The following BRINP1 variants were observed in gnomAD, a reference collection of about 807,000 sequenced individuals.
BRINP1 encodes the protein BMP/retinoic acid-inducible neural-specific protein 1.
BRINP1 carries 17 observed loss-of-function variants against 72.9 expected under a neutral mutation model. That is an observed-to-expected ratio of 0.23 (90% confidence interval 0.16 to 0.35). The LOEUF (loss-of-function observed/expected upper bound fraction) is 0.35. Ranked by LOEUF, BRINP1 falls within the 10% of genes least tolerant of loss-of-function variation. BRINP1 has a pLI of 1.00. For missense variants in BRINP1, 850 were observed against 1,001.6 expected (o/e 0.85, Z 2.04); for synonymous variants, 418 against 378.5 (o/e 1.10, Z -1.21).
At chr9:119,287,360 T>C (rs1189852151) in intron 2 of BRINP1, among the ~76,000 whole-genome samples, 1 of 152,216 alleles carries the variant, frequency 6.6e-6, no homozygotes, top group Non-Finnish European at 1.5e-5. Flanking sequence ...GTAGACAGTT[T>C]TAAGTTTGAA....
At chr9:119,289,154 A>T (rs964632084) in intron 2 of BRINP1, among the ~76,000 whole-genome samples, 1 of 152,244 alleles carries the variant, frequency 6.6e-6, no homozygotes, top group East Asian at 1.9e-4. Flanking sequence ...CAGAGCACGG[A>T]GATCAAGGAG....
In BRINP1 at chr9:119,167,815, G is replaced by A. The variant is rs1245745301; in HGVS notation, c.1555C>T (p.Arg519Trp). Residue 519 changes from arginine to tryptophan, a missense_variant, in exon 8 of 8, where the codon CGG (arginine) becomes TGG (tryptophan). Physicochemically the swap from Arg to Trp is moderately radical, Grantham distance 101 (BLOSUM62 -3). Transcript: ENST00000265922. The surrounding 1 kb of genome is among the most constrained non-coding windows in gnomAD (Gnocchi z 4.3). Reference protein sequence around the residue: ...EIRLDTFFDPRWRKRMSLTLK... With the variant: ...EIRLDTFFDPWWRKRMSLTLK... ...GTGAGGGACATGCGCTTGCGCCACC[G>A]AGGGTCAAAGAAGGTGTCGAGGCGG... is the stretch of plus-strand genomic sequence containing the variant. 11 of 1,614,090 alleles carry A rather than the reference G, an allele frequency of 6.8e-6. No individual in the cohort carries two copies. The highest frequency in any genetic ancestry group is 1.1e-5 in the South Asian group (1 of 91,074).
At chr9:119,296,037 T>C (rs1027482785) in intron 2 of BRINP1, among the ~76,000 whole-genome samples, 1 of 152,078 alleles carries the variant, frequency 6.6e-6, no homozygotes, top group East Asian at 1.9e-4. Context: ...AATAGACAAG[T>C]GGGATTCCAT....
intron 7 of BRINP1, among the ~76,000 whole-genome samples, chr9:119,183,463 T>C (rs1411217051): frequency 6.6e-6 from 1 of 151,988 alleles, no homozygotes; most frequent in East Asian, 1.9e-4. Flanking sequence ...ATAATTCCCT[T>C]GGGGAGAAGG....
At chr9:119,299,342 G>A (rs530755898) in intron 2 of BRINP1, among the ~76,000 whole-genome samples, 38 of 152,178 alleles carry the variant, frequency 2.5e-4, no homozygotes, top group African/African-American at 7.7e-4. Flanking sequence ...GGCCGGGCGC[G>A]GTGGCTCATG....
intron 1 of BRINP1, among the ~76,000 whole-genome samples, chr9:119,325,379 T>C (rs1535957): frequency 0.26 from 39,104 of 151,986 alleles, 6,031 homozygotes; most frequent in Non-Finnish European, 0.34. Flanking sequence ...TGTGAGAAGC[T>C]TGGGACTTTT....
At chr9:119,301,697 G>A (rs568166887) in intron 2 of BRINP1, among the ~76,000 whole-genome samples, 112 of 152,140 alleles carry the variant, frequency 7.4e-4, no homozygotes, top group Non-Finnish European at 1.2e-3. Flanking sequence ...TCTTGGTTTT[G>A]ATATTGTACT....
chr9:119,203,663 T>C (rs751608676), intron 7 of BRINP1, among the ~76,000 whole-genome samples: 10 of 152,220 alleles, frequency 6.6e-5, no homozygotes, highest in Non-Finnish European at 1.5e-4. Context: ...ACTTACAATG[T>C]AACCGGGTGA....
chr9:119,365,331 A>C (rs1013728861), intron 1 of BRINP1, among the ~76,000 whole-genome samples: 4 of 151,636 alleles, frequency 2.6e-5, no homozygotes, highest in Non-Finnish European at 4.4e-5. Flanking sequence ...GCACAACTGG[A>C]AAAATTATTT....
chr9:119,348,049 T>C (rs1831467250), intron 1 of BRINP1, among the ~76,000 whole-genome samples: 1 of 152,310 alleles, frequency 6.6e-6, no homozygotes, highest in South Asian at 2.1e-4. Flanking sequence ...AAATGGATAA[T>C]GACATGTATT....
chr9:119,319,592 A>G (rs1223784991), intron 1 of BRINP1, among the ~76,000 whole-genome samples: 2 of 152,230 alleles, frequency 1.3e-5, no homozygotes, highest in African/African-American at 4.8e-5. Context: ...TGAGAGTCAC[A>G]TTATTGGTAT....
intron 1 of BRINP1, among the ~76,000 whole-genome samples, chr9:119,360,240 C>T (rs976211188): frequency 6.6e-6 from 1 of 152,212 alleles, no homozygotes; most frequent in East Asian, 1.9e-4. Flanking sequence ...ACTGTATTAC[C>T]AACCCTTGCC....
intron 2 of BRINP1, among the ~76,000 whole-genome samples, chr9:119,254,046 T>C (rs1161063590): frequency 6.6e-6 from 1 of 152,050 alleles, no homozygotes; most frequent in African/African-American, 2.4e-5. Flanking sequence ...AAGGGCTCAA[T>C]AGCACCCAGA....
intron 2 of BRINP1, among the ~76,000 whole-genome samples, chr9:119,253,722 G>T (rs1830416884): frequency 6.6e-6 from 1 of 152,146 alleles, no homozygotes; most frequent in Non-Finnish European, 1.5e-5. Flanking sequence ...TGCAAAAATG[G>T]AGGTGAAAGA....
chr9:119,264,366 C>T (rs933827284), intron 2 of BRINP1, among the ~76,000 whole-genome samples: 12 of 152,244 alleles, frequency 7.9e-5, no homozygotes, highest in African/African-American at 2.9e-4. Context: ...GACAACCTTA[C>T]AATTCTTCTT....
Position 119,215,131 on chromosome 9 carries a change from A to G in BRINP1, c.686-976T>C, listed in dbSNP as rs141626396. Among the ~76,000 whole-genome samples, 3 of 152,294 alleles carry G rather than the reference A, an allele frequency of 2.0e-5. No homozygotes were observed. The East Asian group carries it at 5.8e-4, about 29-fold the overall frequency. Reference sequence around the variant, plus strand: ...AGACACAAGCATCACTAGATAATTAATTTTCTCTTCTTTGCTCTAACAGTG... The same window carrying G: ...AGACACAAGCATCACTAGATAATTAGTTTTCTCTTCTTTGCTCTAACAGTG... On this transcript the variant is annotated intron_variant, in intron 5 of 7. Coordinates refer to ENST00000265922, the MANE Select transcript of BRINP1 (RefSeq NM_014618.3).
intron 1 of BRINP1, among the ~76,000 whole-genome samples, chr9:119,354,789 A>G (rs550265070): frequency 2.4e-4 from 36 of 152,308 alleles, no homozygotes; most frequent in African/African-American, 7.9e-4. Flanking sequence ...AGATTGCTTG[A>G]GCCCAGGAAT....
chr9:119,322,238 G>C (rs1033129577), intron 1 of BRINP1, among the ~76,000 whole-genome samples: 3 of 152,184 alleles, frequency 2.0e-5, no homozygotes, highest in Non-Finnish European at 4.4e-5. Context: ...AAGAGAGGCT[G>C]GTTCTATTCT....
Position 119,168,086 on chromosome 9 carries a change from G to A in BRINP1, c.1284C>T (p.Cys428=), listed in dbSNP as rs755737572. 20 of 1,609,918 alleles carry A rather than the reference G, an allele frequency of 1.2e-5. No individual in the cohort carries two copies. The highest frequency in any genetic ancestry group is 5.5e-5 in the South Asian group (5 of 90,630). The change falls in exon 8 of 8, where the codon TGC becomes TGT. Residue 428 remains cysteine, a synonymous_variant. Transcript: ENST00000265922. ...CGCAGCTGTTGTTCCCGCCTATCAC[G>A]CAGGGGATGGGGCGCTGGCACAGCG... is the stretch of plus-strand genomic sequence containing the variant. ...STTLCQRPIP[C]VIGGNNSCAM... is the part of the protein sequence containing the mutation.
Sources: gnomAD v4.1 joint callset for allele counts (sites outside exome capture counted in the v4.1 genomes callset) on GRCh38, gnomAD v4.1.1 for gene constraint, Gnocchi (gnomAD v3.1) non-coding constraint, MANE v1.5 for transcripts, NCBI Gene and HGNC (gene_info 2026-07-23, HGNC 2026-07-21) for gene names.